ATAD3C: variants seen among roughly 807,000 people sequenced by gnomAD.
The protein encoded by ATAD3C is ATPase family AAA domain-containing protein 3C.
A neutral mutation model predicts 46.3 loss-of-function variants in ATAD3C; 38 were observed. The observed-to-expected ratio is 0.82, with a 90% CI of 0.63 to 1.08. ATAD3C has a LOEUF of 1.08. Among genes scored for constraint, ATAD3C ranks in the 50% least tolerant of loss-of-function variants. ATAD3C has a pLI of 0.00. For synonymous variants in ATAD3C, 220 were observed against 236.4 expected, an observed-to-expected ratio of 0.93 and a Z score of 0.63; for missense variants, 563 against 572.7, an observed-to-expected ratio of 0.98 and a Z score of 0.17.
At chr1:1,451,838 G>T (rs1638864453) in intron 1 of ATAD3C, among the ~76,000 whole-genome samples, 1 of 152,042 alleles carries the variant, frequency 6.6e-6, no homozygotes, top group African/African-American at 2.4e-5. Context: ...CTGCCGCTGG[G>T]GAGTTTGGGC....
At chr1:1,454,009 T>C (rs1034421760) in intron 3 of ATAD3C, among the ~76,000 whole-genome samples, 2 of 152,050 alleles carry the variant, frequency 1.3e-5, no homozygotes, top group Admixed American at 6.6e-5. Flanking sequence ...TAAAGTACCA[T>C]TTTTAGTGGC....
intron 8 of ATAD3C, among the ~76,000 whole-genome samples, chr1:1,457,445 A>T (rs919592445): frequency 6.6e-6 from 1 of 151,142 alleles, no homozygotes; most frequent in Non-Finnish European, 1.5e-5. Flanking sequence ...ATACAAAAAA[A>T]ATTAGCTGTG....
rs745603264 is a variant in ATAD3C at position 1,460,960 on chromosome 1, T to C, written c.980+43T>C. On this transcript the variant is annotated intron_variant, in intron 10 of 11. Transcript: ENST00000378785. ...CCAGCCCCCGTCCAGGGGCCCTCGC[T>C]CAGGGTCCACCCCTGCTCCTGTTCT... 1.9e-5 allele frequency: 30 copies of C among 1,564,846 alleles called. 1 individual carries two copies. Among genetic ancestry groups the C allele is most frequent in the Non-Finnish European group, 2.5e-5 (29 of 1,154,080 alleles).
At chr1:1,464,951 T>C (rs1639123296) in intron 11 of ATAD3C, among the ~76,000 whole-genome samples, 1 of 151,792 alleles carries the variant, frequency 6.6e-6, no homozygotes, top group African/African-American at 2.4e-5. Flanking sequence ...AGTGTTGCGA[T>C]CTTAACTCAC....
intron 1 of ATAD3C, among the ~76,000 whole-genome samples, 161 bp downstream of exon 1, chr1:1,450,919 G>A (rs1035348771): frequency 1.4e-4 from 21 of 152,212 alleles, no homozygotes; most frequent in South Asian, 2.1e-4. Context: ...AAGGAAACAA[G>A]GGGAGGTGAG....
At chr1:1,461,248 C>T (rs1383867477) in intron 10 of ATAD3C, among the ~76,000 whole-genome samples, 1 of 151,968 alleles carries the variant, frequency 6.6e-6, no homozygotes. Flanking sequence ...AGTGCAGTGG[C>T]ACGATCTCAG....
rs1639081130 is a variant in ATAD3C, at chr1:1,462,267, GGCTT to G, written c.981-332_981-329del. ...GCTCGTAGCTCTGGCACCATGACCT[GGCTT>G]CTGTGGCCTCCAGGCAGAAGCTTTT... On this transcript the variant is annotated intron_variant, in intron 10 of 11. Coordinates refer to ENST00000378785, the MANE Select transcript of ATAD3C (RefSeq NM_001039211.3). The surrounding 1 kb of genome is among the most constrained non-coding windows in gnomAD (Gnocchi z 4.5). 2.0e-5 allele frequency among the ~76,000 whole-genome samples: 3 copies of G among 151,968 alleles called. No individual in the cohort carries two copies. Among genetic ancestry groups the G allele is most frequent in the Non-Finnish European group, 2.9e-5 (2 of 67,964 alleles).
In ATAD3C at chr1:1,462,845, G is replaced by A. The variant is rs566368952; in HGVS notation, c.1089+137G>A. 122 of 1,137,538 alleles carry A rather than the reference G, an allele frequency of 1.1e-4. No homozygotes were observed. In the African/African-American group the frequency reaches 1.5e-3, roughly 14 times the overall value. 70.5% of individuals were successfully genotyped at this position (1,137,538 alleles called of 1,614,324 possible). On this transcript the variant is annotated intron_variant, in intron 11 of 11. Transcript: ENST00000378785. This position sits in a 1 kb window ranked among gnomAD's most constrained non-coding sequence, Gnocchi z 4.5. ...GGTTTTCAGTGCACAGATGTGACACGGGGCCCCTGCCCCAGTTGGGCCACT... is the reference window on the plus strand; with the variant it reads ...GGTTTTCAGTGCACAGATGTGACACAGGGCCCCTGCCCCAGTTGGGCCACT...
intron 11 of ATAD3C, among the ~76,000 whole-genome samples, 155 bp from the exon 12 acceptor site, chr1:1,468,229 G>C (rs932526841): frequency 6.6e-6 from 1 of 152,086 alleles, no homozygotes; most frequent in African/African-American, 2.4e-5. Context: ...GTCCACACAC[G>C]TGCTGGGCTC....
rs1245697281 is a variant in ATAD3C, at chr1:1,469,542, CTCTCT to C, written c.*1014_*1018del. 1.3e-5 allele frequency: 2 copies of C among 151,762 alleles called. No homozygotes were observed. The highest frequency in any genetic ancestry group is 6.6e-5 in the Admixed American group (1 of 15,150). The allele number at this position is 151,762 out of a possible 1,614,324, so 9.4% of individuals were successfully genotyped here. A position where few individuals can be genotyped will look rare whatever the true frequency, so the allele number is the denominator to read the frequency against. On this transcript the variant is annotated 3_prime_UTR_variant, in exon 12 of 12. Coordinates refer to ENST00000378785, the MANE Select transcript of ATAD3C (RefSeq NM_001039211.3). ...CTGGGGAACTCATTTGGTTTTTCTC[CTCTCT>C]TATTTTTTTGGGTAGAGACAGGGTC...
In ATAD3C at chr1:1,469,145, C is replaced by T. The variant is rs1164186983; in HGVS notation, c.*615C>T. The T allele has an allele frequency of 7.7e-6, 1 of 130,046 alleles. No homozygotes were observed. Among genetic ancestry groups the T allele is most frequent in the Non-Finnish European group, 1.5e-5 (1 of 64,626 alleles). 8.1% of individuals were successfully genotyped at this position (130,046 alleles called of 1,614,324 possible). A position where few individuals can be genotyped will look rare whatever the true frequency, so the allele number is the denominator to read the frequency against. On this transcript the variant is annotated 3_prime_UTR_variant, in exon 12 of 12. Coordinates refer to ENST00000378785, the MANE Select transcript of ATAD3C (RefSeq NM_001039211.3). The stretch of plus-strand genomic sequence containing the variant: ...AAAAAAAAAAAAAAAAATTAGCCGG[C>T]CGTGGTGGCAAGTGCCTGAAATCCC...
intron 11 of ATAD3C, among the ~76,000 whole-genome samples, chr1:1,463,901 G>C (rs1368348550): frequency 1.3e-5 from 2 of 151,452 alleles, no homozygotes; most frequent in Admixed American, 6.6e-5. Context: ...TACAGAGTGA[G>C]ACCCTGTCTT....
At chr1:1,460,247 T>A (rs1639033389) in intron 9 of ATAD3C, among the ~76,000 whole-genome samples, 1 of 151,912 alleles carries the variant, frequency 6.6e-6, no homozygotes, top group Non-Finnish European at 1.5e-5. Flanking sequence ...TGATTTTTTG[T>A]ATTTTTTCTT....
intron 11 of ATAD3C, among the ~76,000 whole-genome samples, chr1:1,467,602 G>A (rs1639165570): frequency 6.6e-6 from 1 of 152,032 alleles, no homozygotes; most frequent in South Asian, 2.1e-4. Flanking sequence ...CCTGCCTCTG[G>A]GAGGCATAGC....
At chr1:1,457,285 A>T (rs1638979536) in intron 8 of ATAD3C, 105 bp downstream of exon 8, 7 of 1,567,776 alleles carry the variant, frequency 4.5e-6, no homozygotes, top group Non-Finnish European at 6.1e-6. Context: ...TTTTTCTCTA[A>T]GTTTTGTGTG....
chr1:1,454,770 T>G (rs4970451), intron 4 of ATAD3C, among the ~76,000 whole-genome samples: 1 of 151,222 alleles, frequency 6.6e-6, no homozygotes, highest in Non-Finnish European at 1.5e-5. Flanking sequence ...AGACCCGGGA[T>G]TTGGGTGTGC....
In ATAD3C at chr1:1,461,393, G is replaced by T. The variant is rs566747871; in HGVS notation, c.980+476G>T. On this transcript the variant is annotated intron_variant, in intron 10 of 11. Transcript: ENST00000378785. ...TGTGGAGATGCGGTTTCACCATGTT[G>T]GCCAGGCTGGTCTTGAACCCCTGAC... is the stretch of plus-strand genomic sequence containing the variant. Among the ~76,000 whole-genome samples the T allele has an allele frequency of 4.6e-5, 7 of 152,056 alleles. No homozygotes were observed. In the East Asian group the frequency reaches 5.8e-4, roughly 13 times the overall value.
At position 1,468,373 on chromosome 1, in the gene ATAD3C, C is replaced by T. The variant is rs756132018; in HGVS notation, c.1090-11C>T. ...ATGGCGGCCTCCCTCAGCTCCCTCT[C>T]TCCCCACTAGGCCACGGCGTATGCC... On this transcript the variant is annotated splice_polypyrimidine_tract_variant and intron_variant, in intron 11 of 11. Coordinates refer to ENST00000378785, the MANE Select transcript of ATAD3C (RefSeq NM_001039211.3). 1.9e-6 allele frequency: 3 copies of T among 1,601,606 alleles called. No individual in the cohort carries two copies. Among genetic ancestry groups the T allele is most frequent in the East Asian group, 4.5e-5 (2 of 44,614 alleles).
intron 7 of ATAD3C, 134 bp from the exon 8 acceptor site, chr1:1,456,990 CCAGGA>C: frequency 8.3e-7 from 1 of 1,205,684 alleles, no homozygotes; most frequent in Non-Finnish European, 1.2e-6. Context: ...TCTGTCAGGT[CCAGGA>C]CTTAGGGCTC....
Sources: allele counts gnomAD v4.1 joint callset (sites outside exome capture counted in the v4.1 genomes callset), GRCh38; gene constraint gnomAD v4.1.1; non-coding constraint Gnocchi (gnomAD v3.1); transcripts MANE v1.5; gene names NCBI Gene and HGNC (gene_info 2026-07-23, HGNC 2026-07-21).